SLAMF1: variants seen among roughly 807,000 people sequenced by gnomAD.
SLAMF1 encodes signaling lymphocytic activation molecule family member 1.
SLAMF1 carries 18 observed loss-of-function variants against 35.1 expected under a neutral mutation model. The ratio of observed to expected loss-of-function variants is 0.51; its 90% confidence interval spans 0.35 to 0.76. SLAMF1 has a LOEUF of 0.76. Ranked by LOEUF, SLAMF1 falls within the 30% of genes least tolerant of loss-of-function variation. The probability of loss-of-function intolerance (pLI) is 0.01; values close to 1 mark genes in which losing one functional copy is unlikely to be tolerated. For missense variants in SLAMF1, 392 were observed against 413.0 expected (o/e 0.95, Z 0.44); for synonymous variants, 168 against 157.2 (o/e 1.07, Z -0.51).
In SLAMF1 at chr1:160,634,520, AG is replaced by A. The variant is rs533264235; in HGVS notation, c.700+92del. On this transcript the variant is annotated intron_variant, in intron 3 of 6. Transcript: ENST00000302035. ...AAGAAAATGTAAAGTATTGTTACTA[AG>A]GTGAATGCCATGGCTGGGGAGCAAT... is the stretch of plus-strand genomic sequence containing the variant. The A allele has an allele frequency of 2.4e-5, 35 of 1,440,122 alleles. 1 individual carries two copies. In the South Asian group the frequency reaches 4.5e-4, roughly 19 times the overall value. The allele number at this position is 1,440,122 out of a possible 1,614,324, so 89.2% of individuals were successfully genotyped here.
rs1364817123 is a variant in SLAMF1, at chr1:160,636,923, A to C, written c.415+268T>G. 6 of 453,590 alleles carry C rather than the reference A, an allele frequency of 1.3e-5. 1 individual carries two copies. The South Asian group carries it at 2.1e-4, about 16-fold the overall frequency. 28.1% of individuals were successfully genotyped at this position (453,590 alleles called of 1,614,324 possible). On this transcript the variant is annotated intron_variant, in intron 2 of 6. Coordinates refer to ENST00000302035, the MANE Select transcript of SLAMF1 (RefSeq NM_003037.5). ...AGATCCTTGGGTCTATCGGCCCTCC[A>C]GCCCACAAGGAGCTGTGCCCCTTTC...
At chr1:160,627,810 A>G (rs558790949) in intron 3 of SLAMF1, among the ~76,000 whole-genome samples, 1 of 152,216 alleles carries the variant, frequency 6.6e-6, no homozygotes, top group South Asian at 2.1e-4. Flanking sequence ...TAGTCACTTC[A>G]TCAGTGATAT....
At chr1:160,646,578 A>G (rs964643897) in intron 1 of SLAMF1, among the ~76,000 whole-genome samples, 3 of 152,214 alleles carry the variant, frequency 2.0e-5, no homozygotes, top group African/African-American at 7.2e-5. Context: ...CAAGACTTCT[A>G]CCAGGGCCTG....
chr1:160,613,526 C>T (rs181099187), intron 5 of SLAMF1, among the ~76,000 whole-genome samples: 33 of 152,304 alleles, frequency 2.2e-4, no homozygotes, highest in African/African-American at 7.5e-4. Context: ...CCATCACTTA[C>T]AATAGGGAAG....
chr1:160,632,498 G>A (rs1039118163), intron 3 of SLAMF1, among the ~76,000 whole-genome samples: 1 of 152,180 alleles, frequency 6.6e-6, no homozygotes, highest in African/African-American at 2.4e-5. Flanking sequence ...AGATGGGTAA[G>A]TCCATCTTCA....
Position 160,610,461 on chromosome 1 carries a change from A to G in SLAMF1, c.*287T>C, listed in dbSNP as rs950349188. On this transcript the variant is annotated 3_prime_UTR_variant, in exon 7 of 7. Coordinates refer to ENST00000302035, the MANE Select transcript of SLAMF1 (RefSeq NM_003037.5). ...CAAGATGCCCAAAGTCTGAACTCAC[A>G]TTACTGTCCATTTCATCTGCTACAA... is the stretch of plus-strand genomic sequence containing the variant. The G allele has an allele frequency of 4.9e-5, 25 of 506,024 alleles. 1 individual carries two copies. The highest frequency in any genetic ancestry group is 3.8e-4 in the African/African-American group (20 of 52,260). The allele number at this position is 506,024 out of a possible 1,614,324, so 31.3% of individuals were successfully genotyped here.
chr1:160,634,297 A>G, intron 3 of SLAMF1: 1 of 559,598 alleles, frequency 1.8e-6, no homozygotes, highest in Non-Finnish European at 2.3e-6. Flanking sequence ...CCCACCTGCA[A>G]TCCCTCACCC....
Position 160,642,893 on chromosome 1 carries a change from A to G in SLAMF1, c.76+3977T>C, listed in dbSNP as rs1381742048. Among the ~76,000 whole-genome samples, 1 of 152,262 alleles carries G rather than the reference A, an allele frequency of 6.6e-6. No homozygotes were observed. The highest frequency in any genetic ancestry group is 1.5e-5 in the Non-Finnish European group (1 of 68,046). ...TCTAGAACGCTCCTTCTCAAGTTCC[A>G]TAAAAATCAAGCCCATCGGACCCAT... On this transcript the variant is annotated intron_variant, in intron 1 of 6. Coordinates refer to ENST00000302035, the MANE Select transcript of SLAMF1 (RefSeq NM_003037.5). This position sits in a 1 kb window ranked among gnomAD's most constrained non-coding sequence, Gnocchi z 4.2.
At chr1:160,624,782 T>A (rs933449831) in intron 3 of SLAMF1, among the ~76,000 whole-genome samples, 6 of 152,220 alleles carry the variant, frequency 3.9e-5, no homozygotes, top group Non-Finnish European at 8.8e-5. Flanking sequence ...CGAGAACTAA[T>A]CATCAAGGCT....
intron 3 of SLAMF1, among the ~76,000 whole-genome samples, chr1:160,630,278 T>C (rs1366541080): frequency 6.6e-6 from 1 of 152,214 alleles, no homozygotes; most frequent in Non-Finnish European, 1.5e-5. Context: ...TGCTTCATTA[T>C]GATAGACATT....
At chr1:160,637,071 A>G (rs1030793283) in intron 2 of SLAMF1, 120 bp downstream of exon 2, 2 of 680,454 alleles carry the variant, frequency 2.9e-6, no homozygotes, top group East Asian at 2.6e-5. Context: ...CCCCCAAACT[A>G]GAAGATCATT....
chr1:160,638,541 A>G (rs1223099236), intron 1 of SLAMF1, among the ~76,000 whole-genome samples: 1 of 152,062 alleles, frequency 6.6e-6, no homozygotes, highest in East Asian at 1.9e-4. Flanking sequence ...TATTAAAACT[A>G]TCTCCCCTGA....
At chr1:160,637,573 T>C (rs1380462443) in intron 1 of SLAMF1, 44 bp from the exon 2 acceptor site, 1 of 1,358,838 alleles carries the variant, frequency 7.4e-7, no homozygotes, top group African/African-American at 1.4e-5. Context: ...TTAAGGCCTT[T>C]AGACAACATC....
intron 3 of SLAMF1, among the ~76,000 whole-genome samples, chr1:160,626,550 A>G (rs1285473447): frequency 2.0e-5 from 3 of 152,202 alleles, no homozygotes; most frequent in African/African-American, 7.2e-5. Context: ...TTTAACCTTA[A>G]GGGAACTATA....
intron 3 of SLAMF1, among the ~76,000 whole-genome samples, chr1:160,628,916 G>C (rs949064157): frequency 1.2e-4 from 18 of 152,192 alleles, no homozygotes. Context: ...ACCATTTCCT[G>C]TGGCAGAAGC....
intron 3 of SLAMF1, among the ~76,000 whole-genome samples, chr1:160,631,704 A>T (rs1318889838): frequency 6.6e-6 from 1 of 151,546 alleles, no homozygotes; most frequent in Admixed American, 6.6e-5. Context: ...TGAGTACACG[A>T]AGGAAAGACC....
At chr1:160,643,037 C>T (rs1468762888) in intron 1 of SLAMF1, among the ~76,000 whole-genome samples, 1 of 22,768 alleles carries the variant, frequency 4.4e-5, no homozygotes, top group Non-Finnish European at 7.2e-4. Flanking sequence ...ATAGTAAATG[C>T]TTTGGCCCCC....
At chr1:160,619,872 G>GTT in intron 4 of SLAMF1, 23 bp from the exon 5 acceptor site, 2 of 1,525,408 alleles carry the variant, frequency 1.3e-6, no homozygotes, top group Non-Finnish European at 1.8e-6. Flanking sequence ...AACCATAATG[G>GTT]TTATCTCCCT....
intron 5 of SLAMF1, among the ~76,000 whole-genome samples, chr1:160,615,257 G>A (rs1192253656): frequency 6.6e-6 from 1 of 151,954 alleles, no homozygotes; most frequent in East Asian, 1.9e-4. Context: ...ATTATGTCTT[G>A]TGTGTTTAAA....
Sources: gnomAD v4.1 joint callset for allele counts (sites outside exome capture counted in the v4.1 genomes callset) on GRCh38, gnomAD v4.1.1 for gene constraint, Gnocchi (gnomAD v3.1) non-coding constraint, MANE v1.5 for transcripts, NCBI Gene and HGNC (gene_info 2026-07-23, HGNC 2026-07-21) for gene names.